Variants in SULF1 observed in about 807,000 individuals in gnomAD.
SULF1 encodes the protein extracellular sulfatase Sulf-1.
A neutral mutation model predicts 110.5 loss-of-function variants in SULF1; 46 were observed. The ratio of observed to expected loss-of-function variants is 0.42; its 90% CI spans 0.33 to 0.53. The LOEUF (loss-of-function observed/expected upper bound fraction) is 0.53, where lower values mean the gene tolerates loss of function less well. Among genes scored for constraint, SULF1 ranks in the 20% least tolerant of loss-of-function variants. The pLI, the probability that SULF1 is intolerant of heterozygous loss-of-function variation, is 0.12. For missense variants in SULF1, 941 were observed against 1,094.2 expected, an observed-to-expected ratio of 0.86 and a Z score of 1.98; for synonymous variants, 371 against 387.1, an observed-to-expected ratio of 0.96 and a Z score of 0.49.
chr8:69,532,258 A>AAAC (rs1437374510), intron 3 of SULF1, among the ~76,000 whole-genome samples: 3 of 152,196 alleles, frequency 2.0e-5, no homozygotes, highest in African/African-American at 7.2e-5. Context: ...TCTTGTAAGG[A>AAAC]AACAAGTCAT....
intron 13 of SULF1, among the ~76,000 whole-genome samples, chr8:69,617,074 A>G (rs1325119107): frequency 6.6e-6 from 1 of 151,978 alleles, no homozygotes; most frequent in Non-Finnish European, 1.5e-5. Flanking sequence ...ACAGACAGAC[A>G]CTCAAATGCT....
chr8:69,600,309 G>T (rs1807696735), intron 8 of SULF1, among the ~76,000 whole-genome samples: 1 of 151,678 alleles, frequency 6.6e-6, no homozygotes, highest in Non-Finnish European at 1.5e-5. Flanking sequence ...TAATCATCTT[G>T]GTATGTTTCT....
chr8:69,628,400 C>G (rs1480943448), intron 18 of SULF1, among the ~76,000 whole-genome samples, 164 bp downstream of exon 18: 2 of 152,166 alleles, frequency 1.3e-5, no homozygotes, highest in African/African-American at 4.8e-5. Context: ...AAAGCCCCAC[C>G]TCACCAAGGG....
At chr8:69,646,264 G>A (rs912585094) in intron 22 of SULF1, among the ~76,000 whole-genome samples, 1 of 152,168 alleles carries the variant, frequency 6.6e-6, no homozygotes, top group East Asian at 1.9e-4. Flanking sequence ...GAGTCACATT[G>A]GTTTGTGGGT....
In SULF1 at chr8:69,640,159, G is replaced by A. The variant is rs1167837144; in HGVS notation, c.2552-649G>A. Reference sequence around the variant, plus strand: ...GGAAGGAAGGAAGGAAAGAAAGAAAGAAAAAAAGAAAGAAAGAAAGAGAAA... The same window carrying A: ...GGAAGGAAGGAAGGAAAGAAAGAAAAAAAAAAAGAAAGAAAGAAAGAGAAA... On this transcript the variant is annotated intron_variant, in intron 21 of 22. Coordinates refer to ENST00000402687, the MANE Select transcript of SULF1 (RefSeq NM_001128205.2). 6.4e-5 allele frequency among the ~76,000 whole-genome samples: 6 copies of A among 94,312 alleles called. No individual in the cohort carries two copies. In the South Asian group the frequency reaches 9.5e-4, roughly 15 times the overall value. The allele number at this position is 94,312 out of a possible 152,430, so 61.9% of individuals were successfully genotyped here. A position where few individuals can be genotyped will look rare whatever the true frequency, so the allele number is the denominator to read the frequency against.
rs116759484 is a variant in SULF1 at position 69,485,621 on chromosome 8, T to C, written c.-390-10144T>C. On this transcript the variant is annotated intron_variant, in intron 1 of 22. Coordinates refer to the SULF1 transcript ENST00000260128. ...CTGTCTAAGTCTCAGCACATCCTTATCAGCATCTCACACAGACTGCAACCT... is the reference window on the plus strand; with the variant it reads ...CTGTCTAAGTCTCAGCACATCCTTACCAGCATCTCACACAGACTGCAACCT... Among the ~76,000 whole-genome samples the C allele has an allele frequency of 3.2e-3, 493 of 152,312 alleles. 2 individuals are homozygous for C. The highest frequency in any genetic ancestry group is 0.011 in the African/African-American group (469 of 41,558).
At chr8:69,522,698 G>A (rs781606196) in intron 3 of SULF1, among the ~76,000 whole-genome samples, 9 of 152,172 alleles carry the variant, frequency 5.9e-5, no homozygotes, top group Admixed American at 3.3e-4. Flanking sequence ...GTAGGATGAA[G>A]ACAAATGGGT....
At chr8:69,530,107 G>A (rs1812980105) in intron 3 of SULF1, among the ~76,000 whole-genome samples, 1 of 152,156 alleles carries the variant, frequency 6.6e-6, no homozygotes, top group Non-Finnish European at 1.5e-5. Flanking sequence ...TAATTGCAGT[G>A]GACAATCTGC....
intron 1 of SULF1, among the ~76,000 whole-genome samples, chr8:69,493,875 A>ACTC (rs1554559707): frequency 6.6e-6 from 1 of 152,254 alleles, no homozygotes; most frequent in East Asian, 1.9e-4. Context: ...CTCAGAGATT[A>ACTC]TGCTCACTGC....
At chr8:69,610,818 C>T (rs1402020892) in intron 13 of SULF1, among the ~76,000 whole-genome samples, 2 of 152,206 alleles carry the variant, frequency 1.3e-5, no homozygotes, top group Non-Finnish European at 2.9e-5. Flanking sequence ...TCAGGTCCTC[C>T]TCTATGTTTC....
At chr8:69,578,743 A>C (rs1313906574) in intron 6 of SULF1, among the ~76,000 whole-genome samples, 1 of 152,132 alleles carries the variant, frequency 6.6e-6, no homozygotes, top group Non-Finnish European at 1.5e-5. Context: ...TGGAAACTAA[A>C]TCTGTTTCTA....
intron 22 of SULF1, among the ~76,000 whole-genome samples, chr8:69,645,082 A>G (rs1285811082): frequency 6.6e-6 from 1 of 152,130 alleles, no homozygotes; most frequent in Admixed American, 6.5e-5. Flanking sequence ...TCGTTAGGGT[A>G]TATGTAGGTC....
chr8:69,535,372 G>A (rs1222212162), intron 3 of SULF1, among the ~76,000 whole-genome samples: 1 of 152,168 alleles, frequency 6.6e-6, no homozygotes, highest in Non-Finnish European at 1.5e-5. Flanking sequence ...GCATTGATCA[G>A]CCTTTAAAAC....
At chr8:69,594,086 T>G (rs527914514) in intron 8 of SULF1, among the ~76,000 whole-genome samples, 1 of 152,156 alleles carries the variant, frequency 6.6e-6, no homozygotes, top group Non-Finnish European at 1.5e-5. Context: ...AGTTTCACTC[T>G]TGTTGCCCAG....
In SULF1 at chr8:69,643,425, A is replaced by C. The variant is rs567076943; in HGVS notation, c.2585+2584A>C. ...CAGTTTTAGAAAACTAAAAAAAAAAAAAACAAGTTTTTATCGTGAAATTTG... is the reference window on the plus strand; with the variant it reads ...CAGTTTTAGAAAACTAAAAAAAAAACAAACAAGTTTTTATCGTGAAATTTG... On this transcript the variant is annotated intron_variant, in intron 22 of 22. Coordinates refer to ENST00000402687, the MANE Select transcript of SULF1 (RefSeq NM_001128205.2). 5.0e-4 allele frequency among the ~76,000 whole-genome samples: 76 copies of C among 152,348 alleles called. No homozygotes were observed. The East Asian group carries it at 5.2e-3, about 10-fold the overall frequency.
chr8:69,560,819 G>C (rs544656843), intron 3 of SULF1, among the ~76,000 whole-genome samples: 9 of 152,306 alleles, frequency 5.9e-5, no homozygotes, highest in Non-Finnish European at 1.2e-4. Flanking sequence ...AATTGTCTGT[G>C]TGCAGTGTTT....
chr8:69,502,291 G>A (rs1189059708), intron 3 of SULF1, among the ~76,000 whole-genome samples: 3 of 152,200 alleles, frequency 2.0e-5, no homozygotes, highest in Non-Finnish European at 4.4e-5. Context: ...GAATTAGGGG[G>A]CAGTGTGGTA....
chr8:69,479,097 C>G (rs908045136), intron 1 of SULF1, among the ~76,000 whole-genome samples: 2 of 152,194 alleles, frequency 1.3e-5, no homozygotes, highest in Admixed American at 6.5e-5. Context: ...TTTGCGCCAG[C>G]TGGATTCCAT....
intron 13 of SULF1, among the ~76,000 whole-genome samples, chr8:69,607,989 G>A (rs569506266): frequency 6.6e-6 from 1 of 152,264 alleles, no homozygotes; most frequent in South Asian, 2.1e-4. Context: ...AGCATGACTA[G>A]CCCCATTCTC....
Sources: gnomAD v4.1 joint callset for allele counts (sites outside exome capture counted in the v4.1 genomes callset) on GRCh38, gnomAD v4.1.1 for gene constraint, MANE v1.5 for transcripts, NCBI Gene and HGNC (gene_info 2026-07-23, HGNC 2026-07-21) for gene names.